The following CWC22 variants were observed in gnomAD, a reference collection of about 807,000 sequenced individuals.
CWC22 encodes the protein pre-mRNA-splicing factor CWC22 homolog.
Under a neutral mutation model 117.2 loss-of-function variants are expected in CWC22, and 53 were observed. That is an observed-to-expected ratio of 0.45 (90% CI 0.36 to 0.57). CWC22 has a LOEUF of 0.57. Among genes scored for constraint, CWC22 ranks in the 20% least tolerant of loss-of-function variants. The probability of loss-of-function intolerance (pLI) is 0.00; values close to 1 mark genes in which losing one functional copy is unlikely to be tolerated. For synonymous variants in CWC22, 360 were observed against 355.6 expected, an observed-to-expected ratio of 1.01 and a Z score of -0.14; for missense variants, 980 against 1,068.8, an observed-to-expected ratio of 0.92 and a Z score of 1.16.
intron 1 of CWC22, among the ~76,000 whole-genome samples, chr2:180,003,007 T>C (rs1357800216): frequency 6.6e-6 from 1 of 152,166 alleles, no homozygotes; most frequent in Non-Finnish European, 1.5e-5. Context: ...AAGTCTAAAA[T>C]TAAATAAAAA....
At chr2:180,005,077 G>A (rs1459431526) in intron 1 of CWC22, among the ~76,000 whole-genome samples, 1 of 150,742 alleles carries the variant, frequency 6.6e-6, no homozygotes, top group African/African-American at 2.4e-5. Flanking sequence ...CCACGTTTCC[G>A]ATTCAACAGA....
At chr2:179,981,615 T>A (rs538942046) in intron 5 of CWC22, 137 bp downstream of exon 5, 1 of 657,346 alleles carries the variant, frequency 1.5e-6, no homozygotes, top group East Asian at 2.7e-5. Flanking sequence ...AGCTATAAAG[T>A]AAAGAGGTCT....
At position 179,981,824 on chromosome 2, in the gene CWC22, G is replaced by A. The variant is rs763673068; in HGVS notation, c.380C>T (p.Thr127Ile). The A allele has an allele frequency of 4.3e-6, 7 of 1,613,932 alleles. No individual in the cohort carries two copies. The highest frequency in any genetic ancestry group is 1.7e-6 in the Non-Finnish European group (2 of 1,179,856). Residue 127 changes from threonine to isoleucine, a missense_variant, in exon 5 of 20, where the codon ACT (threonine) becomes ATT (isoleucine). Coordinates refer to ENST00000410053, the MANE Select transcript of CWC22 (RefSeq NM_020943.3). ...GGGAATATATGCTCCACCAGTGCGA[G>A]TAAGAAGAGGATCCAGCTCATCTTT... ...KKKDELDPLLTRTGGAYIPPA... is the reference protein window; with the variant it reads ...KKKDELDPLLIRTGGAYIPPA...
intron 1 of CWC22, among the ~76,000 whole-genome samples, chr2:179,996,654 G>T (rs1368429739): frequency 6.6e-6 from 1 of 151,974 alleles, no homozygotes; most frequent in African/African-American, 2.4e-5. Context: ...AAGGGGAGTG[G>T]GGTGTGGAGG....
intron 17 of CWC22, among the ~76,000 whole-genome samples, chr2:179,952,146 T>C (rs1012076928): frequency 6.6e-6 from 1 of 152,128 alleles, no homozygotes; most frequent in Admixed American, 6.6e-5. Context: ...ATATTAGTTA[T>C]CATTCTAAGG....
intron 1 of CWC22, among the ~76,000 whole-genome samples, chr2:179,996,187 A>G (rs903265446): frequency 6.6e-6 from 1 of 152,258 alleles, no homozygotes; most frequent in African/African-American, 2.4e-5. Context: ...AATTAAAAAT[A>G]ACATTTAAAA....
intron 8 of CWC22, among the ~76,000 whole-genome samples, 188 bp downstream of exon 8, chr2:179,973,005 T>C (rs1687070772): frequency 6.6e-6 from 1 of 150,686 alleles, no homozygotes; most frequent in South Asian, 2.1e-4. Context: ...TGAGACTCCA[T>C]CTCAAAAAAA....
intron 11 of CWC22, among the ~76,000 whole-genome samples, chr2:179,968,834 G>GGAATTACA (rs1335384899): frequency 6.6e-6 from 1 of 151,918 alleles, no homozygotes; most frequent in African/African-American, 2.4e-5. Flanking sequence ...CCAAAATGCT[G>GGAATTACA]GAATTACAGG....
At chr2:179,975,787 C>T (rs1199670146) in intron 6 of CWC22, among the ~76,000 whole-genome samples, 1 of 152,130 alleles carries the variant, frequency 6.6e-6, no homozygotes, top group African/African-American at 2.4e-5. Context: ...CATGACATCC[C>T]ATGTCCATGG....
chr2:180,002,425 G>A (rs909123419), intron 1 of CWC22, among the ~76,000 whole-genome samples: 1 of 152,172 alleles, frequency 6.6e-6, no homozygotes, highest in African/African-American at 2.4e-5. Flanking sequence ...CATGTGCCTA[G>A]AGTCCCAGCC....
intron 11 of CWC22, 95 bp from the exon 12 acceptor site, chr2:179,966,077 C>A (rs1023732966): frequency 1.3e-5 from 12 of 945,160 alleles, no homozygotes; most frequent in Non-Finnish European, 1.9e-5. Flanking sequence ...TTGAAATCCA[C>A]TGTGGTGTAA....
chr2:179,966,050 G>A (rs545679423), intron 11 of CWC22, 68 bp from the exon 12 acceptor site: 10 of 1,236,802 alleles, frequency 8.1e-6, no homozygotes, highest in Middle Eastern at 1.9e-4. Flanking sequence ...ATTCTAAGAA[G>A]ATAAATTCTC....
chr2:179,971,044 A>G lies in CWC22; in HGVS notation c.837T>C (p.Thr279=). ...CATCTGTTGGTCTTTCCAGGAGCAA[A>G]GTGAGCATCTCTAAGCATAATACTT... The part of the protein sequence containing the change: ...AHEVLCLEML[T]LLLERPTDDS... Residue 279 remains threonine (T), a synonymous_variant, in exon 9 of 20, where the codon ACT becomes ACC. Transcript: ENST00000410053. 1.2e-6 allele frequency: 2 copies of G among 1,605,920 alleles called. No homozygotes were observed. Among genetic ancestry groups the G allele is most frequent in the Non-Finnish European group, 1.7e-6 (2 of 1,174,940 alleles).
chr2:179,955,155 T>G, intron 14 of CWC22, 121 bp from the exon 15 acceptor site: 1 of 701,188 alleles, frequency 1.4e-6, no homozygotes, highest in Non-Finnish European at 2.3e-6. Context: ...AGTTCAAAAA[T>G]TTTGTAAATA....
chr2:180,006,579 A>G (rs138302218), intron 1 of CWC22, among the ~76,000 whole-genome samples: 39 of 152,314 alleles, frequency 2.6e-4, no homozygotes, highest in African/African-American at 9.1e-4. Flanking sequence ...ACAAATAGTC[A>G]AAGGGATATA....
chr2:179,985,354 C>T (rs1031029701), intron 4 of CWC22, among the ~76,000 whole-genome samples: 1 of 152,052 alleles, frequency 6.6e-6, no homozygotes, highest in Admixed American at 6.5e-5. Flanking sequence ...GTATTTCCAT[C>T]TGCAGAATGC....
chr2:179,946,271 G>A (rs1686296174), intron 19 of CWC22, among the ~76,000 whole-genome samples: 3 of 151,820 alleles, frequency 2.0e-5, no homozygotes, highest in Admixed American at 2.0e-4. Context: ...GTAACGTAGC[G>A]AAACCCCTTC....
At chr2:179,975,859 C>T (rs1687140857) in intron 6 of CWC22, among the ~76,000 whole-genome samples, 1 of 152,058 alleles carries the variant, frequency 6.6e-6, no homozygotes, top group South Asian at 2.1e-4. Context: ...GGACTCAATC[C>T]CTATCAAAAT....
intron 1 of CWC22, among the ~76,000 whole-genome samples, chr2:179,995,362 C>G (rs1687673091): frequency 6.6e-6 from 1 of 152,158 alleles, no homozygotes; most frequent in African/African-American, 2.4e-5. Flanking sequence ...GCATGCCCCT[C>G]TACCTTAAAC....
Sources: gnomAD v4.1 joint callset for allele counts (sites outside exome capture counted in the v4.1 genomes callset) on GRCh38, gnomAD v4.1.1 for gene constraint, MANE v1.5 for transcripts, NCBI Gene and HGNC (gene_info 2026-07-23, HGNC 2026-07-21) for gene names.